Variants in CNTNAP2 observed in about 807,000 individuals in gnomAD.
CNTNAP2 encodes the protein contactin associated protein 2.
A neutral mutation model predicts 155.2 loss-of-function variants in CNTNAP2; 98 were observed. The observed-to-expected ratio is 0.63, with a 90% CI of 0.54 to 0.75. The LOEUF (loss-of-function observed/expected upper bound fraction) is 0.75. Among genes scored for constraint, CNTNAP2 ranks in the 30% least tolerant of loss-of-function variants. CNTNAP2 has a pLI of 0.00. For synonymous variants in CNTNAP2, 651 were observed against 631.2 expected (o/e 1.03, Z -0.47); for missense variants, 1,727 against 1,688.1 (o/e 1.02, Z -0.40).
intron 8 of CNTNAP2, among the ~76,000 whole-genome samples, chr7:147,147,154 G>C (rs916444893): frequency 1.6e-4 from 25 of 152,250 alleles, no homozygotes; most frequent in African/African-American, 6.0e-4. Context: ...AGAAGAAAGA[G>C]AGTGAGTAGC....
chr7:148,405,459 C>T lies in CNTNAP2; in HGVS notation c.3716-3932C>T, dbSNP rs566510430. 1.0e-3 allele frequency among the ~76,000 whole-genome samples: 88 copies of T among 85,764 alleles called. 1 individual carries two copies. Among genetic ancestry groups the T allele is most frequent in the African/African-American group, 5.4e-3 (77 of 14,330 alleles). The allele number at this position is 85,764 out of a possible 152,430, so 56.3% of individuals were successfully genotyped here. ...TTTTTTTTTTTTTGAGACGGAGTCT[C>T]GCTCTGTCGCCAGGGTGGAGTGCAG... On this transcript the variant is annotated intron_variant, in intron 22 of 23. Coordinates refer to ENST00000361727, the MANE Select transcript of CNTNAP2 (RefSeq NM_014141.6).
At chr7:147,687,566 GT>G (rs1415668482) in intron 13 of CNTNAP2, among the ~76,000 whole-genome samples, 1 of 152,108 alleles carries the variant, frequency 6.6e-6, no homozygotes, top group East Asian at 1.9e-4. Flanking sequence ...GCTCACATGG[GT>G]TTAAGGGTCA....
At chr7:147,773,094 C>G (rs73458234) in intron 13 of CNTNAP2, among the ~76,000 whole-genome samples, 1 of 152,118 alleles carries the variant, frequency 6.6e-6, no homozygotes, top group East Asian at 1.9e-4. Context: ...TCTTCACCAC[C>G]CCATGCCTAG....
chr7:147,863,405 T>G lies in CNTNAP2; in HGVS notation c.2099-40160T>G, dbSNP rs150019646. ...CAATAAACATACGTGTGCATGTGTC[T>G]TTACAGGAGCATGATTTATAATCCT... On this transcript the variant is annotated intron_variant, in intron 13 of 23. Coordinates refer to ENST00000361727, the MANE Select transcript of CNTNAP2 (RefSeq NM_014141.6). 3.3e-3 allele frequency among the ~76,000 whole-genome samples: 506 copies of G among 152,312 alleles called. 7 individuals are homozygous for G. The East Asian group carries it at 0.034, about 10-fold the overall frequency.
chr7:147,963,651 G>T (rs552659608), intron 14 of CNTNAP2, among the ~76,000 whole-genome samples: 1 of 152,230 alleles, frequency 6.6e-6, no homozygotes, highest in South Asian at 2.1e-4. Context: ...CACGCGAAAT[G>T]CTGAAACAGT....
chr7:146,234,672 T>C (rs955361245), intron 1 of CNTNAP2, among the ~76,000 whole-genome samples: 1 of 152,146 alleles, frequency 6.6e-6, no homozygotes, highest in East Asian at 1.9e-4. Flanking sequence ...GTTTCAGCTT[T>C]CTACATATGG....
At chr7:147,237,121 A>G (rs183677831) in intron 8 of CNTNAP2, among the ~76,000 whole-genome samples, 25 of 128,644 alleles carry the variant, frequency 1.9e-4, no homozygotes, top group African/African-American at 6.8e-4. Context: ...GCTGGAGCAC[A>G]GTGGTGCAAT....
intron 3 of CNTNAP2, among the ~76,000 whole-genome samples, chr7:146,918,504 G>A (rs1397979234): frequency 1.3e-5 from 2 of 152,138 alleles, no homozygotes; most frequent in Non-Finnish European, 2.9e-5. Flanking sequence ...CTAAAGATAG[G>A]ACTCCAGTCC....
chr7:147,768,740 T>C (rs1426026748), intron 13 of CNTNAP2, among the ~76,000 whole-genome samples: 1 of 152,094 alleles, frequency 6.6e-6, no homozygotes, highest in Non-Finnish European at 1.5e-5. Context: ...ATGATACCTT[T>C]TGAAGGTGTG....
intron 4 of CNTNAP2, among the ~76,000 whole-genome samples, chr7:147,050,022 A>G (rs558031350): frequency 6.6e-6 from 1 of 152,212 alleles, no homozygotes; most frequent in East Asian, 1.9e-4. Flanking sequence ...TGAATATAAT[A>G]TGAATTCCAA....
intron 3 of CNTNAP2, among the ~76,000 whole-genome samples, chr7:146,925,879 A>G (rs762855474): frequency 6.6e-6 from 1 of 152,086 alleles, no homozygotes; most frequent in Admixed American, 6.6e-5. Context: ...TGACAATTCA[A>G]TTCTCAAGGT....
At chr7:147,183,423 T>C (rs2116505023) in intron 8 of CNTNAP2, among the ~76,000 whole-genome samples, 1 of 152,292 alleles carries the variant, frequency 6.6e-6, no homozygotes, top group South Asian at 2.1e-4. Context: ...ACAGCAAATC[T>C]CAGACTTGGA....
chr7:147,527,507 A>G (rs554485192), intron 11 of CNTNAP2, among the ~76,000 whole-genome samples: 2 of 152,352 alleles, frequency 1.3e-5, no homozygotes, highest in East Asian at 1.9e-4. Context: ...AAATGTATAC[A>G]TACTGTATGA....
chr7:146,558,259 A>G (rs1443648766), intron 1 of CNTNAP2, among the ~76,000 whole-genome samples: 2 of 152,088 alleles, frequency 1.3e-5, no homozygotes, highest in African/African-American at 4.8e-5. Context: ...CCCACGTGGT[A>G]TCTTAGCAAG....
At chr7:147,609,534 T>TAATG (rs1801141860) in intron 12 of CNTNAP2, among the ~76,000 whole-genome samples, 1 of 150,210 alleles carries the variant, frequency 6.7e-6, no homozygotes, top group Non-Finnish European at 1.5e-5. Flanking sequence ...CTGTCTCAAT[T>TAATG]AATTAATTAA....
At chr7:146,303,102 GTGTGTGCGCATGCATACATGA>G (rs1584857704) in intron 1 of CNTNAP2, among the ~76,000 whole-genome samples, 1 of 150,780 alleles carries the variant, frequency 6.6e-6, no homozygotes, top group East Asian at 1.9e-4. Context: ...GTGTGTGTGT[GTGTGTGCGCATGCATACATGA>G]ACACGTGTCA....
At chr7:147,349,979 C>A (rs950159295) in intron 9 of CNTNAP2, among the ~76,000 whole-genome samples, 98 of 151,924 alleles carry the variant, frequency 6.5e-4, no homozygotes, top group African/African-American at 2.1e-3. Context: ...CATGCCTGGG[C>A]TCTTAAATTA....
chr7:146,298,014 G>A (rs1385303820), intron 1 of CNTNAP2, among the ~76,000 whole-genome samples: 1 of 152,078 alleles, frequency 6.6e-6, no homozygotes, highest in Non-Finnish European at 1.5e-5. Flanking sequence ...GTGAGATGCT[G>A]TGAGCATGAA....
chr7:146,890,335 G>C (rs1475249632), intron 3 of CNTNAP2, among the ~76,000 whole-genome samples: 1 of 152,180 alleles, frequency 6.6e-6, no homozygotes, highest in Non-Finnish European at 1.5e-5. Flanking sequence ...AAAATAAGCA[G>C]AGTTGTGAAG....
Sources: allele counts gnomAD v4.1 joint callset (sites outside exome capture counted in the v4.1 genomes callset), GRCh38; gene constraint gnomAD v4.1.1; transcripts MANE v1.5; gene names NCBI Gene and HGNC (gene_info 2026-07-23, HGNC 2026-07-21).